The following CHRM3 variants were observed in gnomAD, a reference collection of about 807,000 sequenced individuals.
The protein encoded by CHRM3 is cholinergic receptor muscarinic 3.
CHRM3 carries 11 observed loss-of-function variants against 41.8 expected under a neutral mutation model. The observed-to-expected ratio is 0.26, with a 90% CI of 0.17 to 0.44. The LOEUF is 0.44. Among genes scored for constraint, CHRM3 ranks in the 20% least tolerant of loss-of-function variants. The probability of loss-of-function intolerance (pLI) is 1.00; values close to 1 mark genes in which losing one functional copy is unlikely to be tolerated. For synonymous variants in CHRM3, 297 were observed against 301.4 expected (o/e 0.99, Z 0.15); for missense variants, 571 against 745.4 (o/e 0.77, Z 2.72).
At position 239,908,045 on chromosome 1, in the gene CHRM3, C is replaced by G; in HGVS notation, c.594C>G (p.Val198=). The G allele has an allele frequency of 6.2e-7, 1 of 1,614,154 alleles. No individual in the cohort carries two copies. Among genetic ancestry groups the G allele is most frequent in the Non-Finnish European group, 8.5e-7 (1 of 1,180,042 alleles). Residue 198 remains valine (V), a synonymous_variant, in exon 7 of 7, where the codon GTC becomes GTG. Coordinates refer to ENST00000676153, the MANE Select transcript of CHRM3 (RefSeq NM_001375978.1). The surrounding 1 kb of genome is among the most constrained non-coding windows in gnomAD (Gnocchi z 7.2). ...MIGLAWVISF[V]LWAPAILFWQ... is the part of the protein sequence containing the mutation. Reference sequence around the variant, plus strand: ...GTCTGGCTTGGGTCATCTCCTTTGTCCTTTGGGCTCCTGCCATCTTGTTCT... The same window carrying G: ...GTCTGGCTTGGGTCATCTCCTTTGTGCTTTGGGCTCCTGCCATCTTGTTCT...
At chr1:239,646,353 C>T (rs61834781) in intron 4 of CHRM3, among the ~76,000 whole-genome samples, 2 of 152,088 alleles carry the variant, frequency 1.3e-5, no homozygotes, top group South Asian at 2.1e-4. Context: ...AAGCTATACA[C>T]GTATTTTTTA....
intron 5 of CHRM3, among the ~76,000 whole-genome samples, chr1:239,792,099 G>A (rs1669401132): frequency 6.6e-6 from 1 of 152,200 alleles, no homozygotes; most frequent in Non-Finnish European, 1.5e-5. Context: ...CAAGCTCTGG[G>A]TGTCTTCCAG....
At chr1:239,708,736 C>CTTTTTTTTTTTTTTTTTTTTTTTTTTTT (rs869143310) in intron 5 of CHRM3, among the ~76,000 whole-genome samples, 6 of 48,294 alleles carry the variant, frequency 1.2e-4, no homozygotes, top group Non-Finnish European at 1.8e-4. Context: ...TTTAAATTTT[C>CTTTTTTTTTTTTTTTTTTTTTTTTTTTT]TTTTTTTTTT....
intron 4 of CHRM3, among the ~76,000 whole-genome samples, chr1:239,664,129 C>A (rs1469233758): frequency 6.6e-6 from 1 of 152,164 alleles, no homozygotes; most frequent in Non-Finnish European, 1.5e-5. Flanking sequence ...ATTTTTAGGA[C>A]ATCAGAAAGC....
chr1:239,785,324 G>A (rs533155071), intron 5 of CHRM3, among the ~76,000 whole-genome samples: 1 of 152,314 alleles, frequency 6.6e-6, no homozygotes, highest in East Asian at 1.9e-4. Flanking sequence ...CATGGAGATG[G>A]AAAACATTAT....
At chr1:239,717,166 A>G (rs1662465033) in intron 5 of CHRM3, among the ~76,000 whole-genome samples, 2 of 152,054 alleles carry the variant, frequency 1.3e-5, no homozygotes, top group South Asian at 4.1e-4. Context: ...TCATTTTTCA[A>G]CTGCAAAAGA....
At chr1:239,396,580 C>T (rs1353664917) in intron 1 of CHRM3, among the ~76,000 whole-genome samples, 1 of 152,136 alleles carries the variant, frequency 6.6e-6, no homozygotes, top group Non-Finnish European at 1.5e-5. Context: ...TGCCACTGCA[C>T]TCCAGCCTGG....
At chr1:239,740,298 A>G (rs998667585) in intron 5 of CHRM3, among the ~76,000 whole-genome samples, 19 of 152,004 alleles carry the variant, frequency 1.2e-4, no homozygotes, top group African/African-American at 4.6e-4. Context: ...TCAAAATAAT[A>G]CCGTGAAGTG....
intron 1 of CHRM3, among the ~76,000 whole-genome samples, chr1:239,467,904 C>A (rs182743756): frequency 7.4e-6 from 1 of 134,766 alleles, no homozygotes; most frequent in East Asian, 2.0e-4. Context: ...TCCCTACCCC[C>A]CCCCAACGTT....
chr1:239,552,265 CATATATATGTATAGATGATATGTATCAT>C (rs1659908237), intron 3 of CHRM3, among the ~76,000 whole-genome samples: 2 of 143,716 alleles, frequency 1.4e-5, no homozygotes, highest in East Asian at 2.0e-4. Context: ...TGATATGTAT[CATATATATGTATAGATGATATGTATCAT>C]ATTTTATATA....
intron 4 of CHRM3, among the ~76,000 whole-genome samples, chr1:239,661,224 A>G (rs1159277699): frequency 6.6e-6 from 1 of 152,176 alleles, no homozygotes; most frequent in East Asian, 1.9e-4. Context: ...CCCTTTTGTT[A>G]CTAAATGTCA....
chr1:239,814,852 G>A (rs983910072), intron 5 of CHRM3, among the ~76,000 whole-genome samples: 8 of 152,026 alleles, frequency 5.3e-5, no homozygotes, highest in Non-Finnish European at 7.3e-5. Context: ...ATGCAGTCTC[G>A]GCTCACGGCA....
At chr1:239,826,637 A>C (rs1672487117) in intron 5 of CHRM3, among the ~76,000 whole-genome samples, 1 of 152,194 alleles carries the variant, frequency 6.6e-6, no homozygotes, top group South Asian at 2.1e-4. Flanking sequence ...CTACAGAGTT[A>C]ATATGGGAGG....
chr1:239,607,573 T>C (rs922734277), intron 3 of CHRM3, among the ~76,000 whole-genome samples: 1 of 152,186 alleles, frequency 6.6e-6, no homozygotes, highest in African/African-American at 2.4e-5. Context: ...AACAAACCCT[T>C]ACTAGGCCTT....
intron 1 of CHRM3, among the ~76,000 whole-genome samples, chr1:239,412,863 G>A (rs535706636): frequency 5.9e-5 from 9 of 151,848 alleles, no homozygotes; most frequent in Non-Finnish European, 8.8e-5. Context: ...GGCAGATTAC[G>A]AGGTCAAGAG....
chr1:239,800,488 TC>T (rs1670124518), intron 5 of CHRM3, among the ~76,000 whole-genome samples: 1 of 152,244 alleles, frequency 6.6e-6, no homozygotes, highest in Admixed American at 6.5e-5. Context: ...TTGTTGGAAA[TC>T]ATCTAGTTCA....
At chr1:239,575,908 T>G (rs73120652) in intron 3 of CHRM3, among the ~76,000 whole-genome samples, 1,729 of 152,232 alleles carry the variant, frequency 0.011, 45 homozygotes, top group East Asian at 0.11. Context: ...TCTAAAACTT[T>G]TCATCTTGTA....
chr1:239,398,825 G>A (rs945835437), intron 1 of CHRM3, among the ~76,000 whole-genome samples: 1 of 151,968 alleles, frequency 6.6e-6, no homozygotes, highest in Non-Finnish European at 1.5e-5. Context: ...TTTGTTTTAG[G>A]ATTTTTCTTA....
intron 2 of CHRM3, among the ~76,000 whole-genome samples, chr1:239,502,792 G>T (rs1668323041): frequency 6.6e-6 from 1 of 152,102 alleles, no homozygotes; most frequent in African/African-American, 2.4e-5. Context: ...CACATAAACA[G>T]AATTAAAAAC....
Sources: allele counts gnomAD v4.1 joint callset (sites outside exome capture counted in the v4.1 genomes callset), GRCh38; gene constraint gnomAD v4.1.1; non-coding constraint Gnocchi (gnomAD v3.1); transcripts MANE v1.5; gene names NCBI Gene and HGNC (gene_info 2026-07-23, HGNC 2026-07-21).